The following GPC5 variants were observed in gnomAD, a reference collection of about 807,000 sequenced individuals.
GPC5 encodes glypican 5.
GPC5 carries 47 observed loss-of-function variants against 53.9 expected under a neutral mutation model. That is an observed-to-expected ratio of 0.87 (90% CI 0.69 to 1.11). The LOEUF (loss-of-function observed/expected upper bound fraction) is 1.11, where lower values mean the gene tolerates loss of function less well. Among genes scored for constraint, GPC5 ranks in the 50% most tolerant of loss-of-function variants. The pLI is 0.00. For synonymous variants in GPC5, 286 were observed against 263.3 expected, an observed-to-expected ratio of 1.09 and a Z score of -0.84; for missense variants, 748 against 713.1, an observed-to-expected ratio of 1.05 and a Z score of -0.56.
intron 5 of GPC5, among the ~76,000 whole-genome samples, chr13:91,866,297 A>G (rs1226211974): frequency 6.6e-6 from 1 of 152,254 alleles, no homozygotes; most frequent in Admixed American, 6.5e-5. Flanking sequence ...TTGAATACAG[A>G]AATTTAAACA....
intron 7 of GPC5, among the ~76,000 whole-genome samples, chr13:92,627,388 A>G (rs571571104): frequency 6.6e-6 from 1 of 152,320 alleles, no homozygotes; most frequent in African/African-American, 2.4e-5. Context: ...TATTGGTTGC[A>G]CTTTACACAG....
At chr13:92,090,628 A>G (rs993713324) in intron 6 of GPC5, among the ~76,000 whole-genome samples, 2 of 152,218 alleles carry the variant, frequency 1.3e-5, no homozygotes, top group South Asian at 2.1e-4. Flanking sequence ...TAAATAGATT[A>G]AGACACCTAG....
intron 7 of GPC5, among the ~76,000 whole-genome samples, chr13:92,217,971 GC>G (rs2042423021): frequency 7.4e-6 from 1 of 134,874 alleles, no homozygotes; most frequent in Admixed American, 8.3e-5. Flanking sequence ...AGACTGGAGT[GC>G]AGTGGTGTGA....
intron 7 of GPC5, among the ~76,000 whole-genome samples, chr13:92,522,221 G>A (rs574072830): frequency 6.6e-6 from 1 of 152,064 alleles, no homozygotes. Context: ...GATTCCTCAG[G>A]GATCTAGAAC....
chr13:91,877,306 G>A (rs902199746), intron 5 of GPC5, among the ~76,000 whole-genome samples: 4 of 152,172 alleles, frequency 2.6e-5, no homozygotes, highest in African/African-American at 9.7e-5. Flanking sequence ...TTTGCACAGT[G>A]CACCTGGAAA....
chr13:92,048,047 T>C (rs1007398831), intron 6 of GPC5, among the ~76,000 whole-genome samples: 3 of 151,824 alleles, frequency 2.0e-5, no homozygotes, highest in Non-Finnish European at 4.4e-5. Flanking sequence ...GTTCAACTTA[T>C]ATTCTAGAAA....
chr13:92,577,626 T>C (rs1470374034), intron 7 of GPC5, among the ~76,000 whole-genome samples: 1 of 152,164 alleles, frequency 6.6e-6, no homozygotes, highest in African/African-American at 2.4e-5. Flanking sequence ...CCTACAAAGA[T>C]AAATTAAAAC....
At chr13:92,329,112 T>C (rs1214502082) in intron 7 of GPC5, among the ~76,000 whole-genome samples, 1 of 152,138 alleles carries the variant, frequency 6.6e-6, no homozygotes, top group Non-Finnish European at 1.5e-5. Flanking sequence ...CAAGCAGTTA[T>C]AGTCATCCTT....
At chr13:91,920,909 T>C (rs1216759454) in intron 6 of GPC5, among the ~76,000 whole-genome samples, 1 of 41,358 alleles carries the variant, frequency 2.4e-5, no homozygotes, top group African/African-American at 8.5e-5. Flanking sequence ...TTTTTAAATC[T>C]CTCTCTCTCT....
intron 2 of GPC5, 38 bp downstream of exon 2, chr13:91,448,960 G>A (rs201463557): frequency 4.3e-4 from 681 of 1,593,756 alleles, no homozygotes; most frequent in Non-Finnish European, 5.4e-4. Flanking sequence ...AGGACTGGCC[G>A]TGTTATGTAA....
chr13:91,613,059 T>C (rs1256206730), intron 2 of GPC5, among the ~76,000 whole-genome samples: 1 of 152,210 alleles, frequency 6.6e-6, no homozygotes, highest in African/African-American at 2.4e-5. Context: ...ACCTAAGTTT[T>C]TTTATGTATA....
intron 6 of GPC5, among the ~76,000 whole-genome samples, chr13:92,005,173 T>C (rs977001207): frequency 2.6e-5 from 4 of 152,098 alleles, no homozygotes. Flanking sequence ...TTGCAATCCC[T>C]AAAAAAGAAA....
At chr13:92,136,157 A>C (rs2041782690) in intron 6 of GPC5, among the ~76,000 whole-genome samples, 1 of 152,118 alleles carries the variant, frequency 6.6e-6, no homozygotes, top group Admixed American at 6.6e-5. Flanking sequence ...TCTCAATTGA[A>C]ATATGTTGTA....
At chr13:92,423,498 C>T (rs1876682042) in intron 7 of GPC5, among the ~76,000 whole-genome samples, 1 of 152,060 alleles carries the variant, frequency 6.6e-6, no homozygotes, top group South Asian at 2.1e-4. Flanking sequence ...TTGTTAATCT[C>T]ATTAAGCAAT....
Position 91,543,213 on chromosome 13 carries a change from G to A in GPC5, c.325+94291G>A, listed in dbSNP as rs13378708. The stretch of plus-strand genomic sequence containing the variant: ...TCTCCATGTTGGTCAGACTGGTCTC[G>A]AACTCCTGACCTCAGGTGATCCATG... On this transcript the variant is annotated intron_variant, in intron 2 of 7. Coordinates refer to ENST00000377067, the MANE Select transcript of GPC5 (RefSeq NM_004466.6). Among the ~76,000 whole-genome samples the A allele has an allele frequency of 8.6e-3, 1,310 of 151,794 alleles. 17 individuals carry two copies. The highest frequency in any genetic ancestry group is 0.031 in the African/African-American group (1,270 of 41,388).
At chr13:92,325,333 A>G (rs1192754459) in intron 7 of GPC5, among the ~76,000 whole-genome samples, 1 of 152,042 alleles carries the variant, frequency 6.6e-6, no homozygotes, top group Non-Finnish European at 1.5e-5. Flanking sequence ...AAAGTAAATG[A>G]AGAAGATCAT....
At chr13:91,975,636 G>T (rs1315321397) in intron 6 of GPC5, among the ~76,000 whole-genome samples, 1 of 152,306 alleles carries the variant, frequency 6.6e-6, no homozygotes, top group South Asian at 2.1e-4. Flanking sequence ...TGCTGGAGAG[G>T]ATGTGGAGAA....
intron 7 of GPC5, among the ~76,000 whole-genome samples, chr13:92,751,302 T>TA (rs1566400471): frequency 0.016 from 553 of 34,302 alleles, 12 homozygotes; most frequent in Non-Finnish European, 0.019. Context: ...CCAGAAACAT[T>TA]TAAAAAAAAA....
Position 91,462,436 on chromosome 13 carries a change from A to G in GPC5, c.325+13514A>G, listed in dbSNP as rs534440732. 2.6e-5 allele frequency among the ~76,000 whole-genome samples: 4 copies of G among 152,296 alleles called. No individual in the cohort carries two copies. In the East Asian group the frequency reaches 7.7e-4, roughly 29 times the overall value. ...AATAATGTGAGAGGTTTTGTGCATGATAGAATACGGCATAAAATTTAAGAT... is the reference window on the plus strand; with the variant it reads ...AATAATGTGAGAGGTTTTGTGCATGGTAGAATACGGCATAAAATTTAAGAT... On this transcript the variant is annotated intron_variant, in intron 2 of 7. Transcript: ENST00000377067.
Sources: gnomAD v4.1 joint callset for allele counts (sites outside exome capture counted in the v4.1 genomes callset) on GRCh38, gnomAD v4.1.1 for gene constraint, MANE v1.5 for transcripts, NCBI Gene and HGNC (gene_info 2026-07-23, HGNC 2026-07-21) for gene names.